The following TRIM37 variants were observed in gnomAD, a reference collection of about 807,000 sequenced individuals.
TRIM37 encodes E3 ubiquitin-protein ligase TRIM37.
A neutral mutation model predicts 129.8 loss-of-function variants in TRIM37; 80 were observed. The observed-to-expected ratio is 0.62, with a 90% CI of 0.51 to 0.74. The LOEUF (loss-of-function observed/expected upper bound fraction) is 0.74. TRIM37 is among the 30% of genes least tolerant of loss of function. The pLI is 0.00. For missense variants in TRIM37, 1,054 were observed against 1,176.5 expected, an observed-to-expected ratio of 0.90 and a Z score of 1.52; for synonymous variants, 389 against 387.1, an observed-to-expected ratio of 1.00 and a Z score of -0.06.
chr17:59,044,079 T>C (rs1353065951), intron 16 of TRIM37, among the ~76,000 whole-genome samples: 1 of 152,138 alleles, frequency 6.6e-6, no homozygotes, highest in Non-Finnish European at 1.5e-5. Flanking sequence ...AGGGACTTCT[T>C]GAGCCTAGGA....
intron 17 of TRIM37, among the ~76,000 whole-genome samples, chr17:59,038,967 G>C (rs1568051328): frequency 6.6e-6 from 1 of 152,140 alleles, no homozygotes; most frequent in Non-Finnish European, 1.5e-5. Context: ...CTGGACAAGA[G>C]ACTGATTTCA....
At chr17:59,079,248 C>T (rs939008289) in intron 7 of TRIM37, among the ~76,000 whole-genome samples, 2 of 152,078 alleles carry the variant, frequency 1.3e-5, no homozygotes, top group Non-Finnish European at 2.9e-5. Flanking sequence ...TACCAGGCTC[C>T]ACAATCAAAG....
At position 59,012,461 on chromosome 17, in the gene TRIM37, C is replaced by A; in HGVS notation, c.2577-15G>T. On this transcript the variant is annotated splice_polypyrimidine_tract_variant and intron_variant, in intron 21 of 23. Coordinates refer to ENST00000262294, the MANE Select transcript of TRIM37 (RefSeq NM_015294.6). ...TAGCATTAGCCCTCAAAGAAGAAAA[C>A]AACTTGATATTTCTCTATAACTAGT... 2.0e-6 allele frequency: 3 copies of A among 1,512,468 alleles called. No individual in the cohort carries two copies. The highest frequency in any genetic ancestry group is 1.7e-4 in the Middle Eastern group (1 of 5,840). 93.7% of individuals were successfully genotyped at this position (1,512,468 alleles called of 1,614,324 possible).
intron 13 of TRIM37, among the ~76,000 whole-genome samples, chr17:59,053,997 T>TA (rs2040597699): frequency 6.6e-6 from 1 of 152,186 alleles, no homozygotes; most frequent in Admixed American, 6.5e-5. Context: ...TATCCCTTGT[T>TA]AAACTTCTTT....
At chr17:58,990,017 C>G (rs1490837842) in intron 24 of TRIM37, among the ~76,000 whole-genome samples, 1 of 149,508 alleles carries the variant, frequency 6.7e-6, no homozygotes, top group Admixed American at 6.7e-5. Context: ...GAGACCCCCT[C>G]TGAAAAAAAA....
intron 17 of TRIM37, among the ~76,000 whole-genome samples, chr17:59,035,042 T>C (rs1363442352): frequency 2.0e-5 from 3 of 152,232 alleles, no homozygotes; most frequent in East Asian, 3.9e-4. Flanking sequence ...AAGTATCTTA[T>C]TCATTTTCTT....
chr17:59,102,248 A>G (rs2045582904), intron 2 of TRIM37, among the ~76,000 whole-genome samples: 1 of 152,186 alleles, frequency 6.6e-6, no homozygotes, highest in South Asian at 2.1e-4. Flanking sequence ...AGATCTTAGG[A>G]AATTAAGAAA....
intron 14 of TRIM37, among the ~76,000 whole-genome samples, chr17:59,049,853 T>C (rs1392938843): frequency 2.0e-5 from 3 of 152,246 alleles, no homozygotes; most frequent in South Asian, 2.1e-4. Flanking sequence ...TAAAAAAAAA[T>C]TGATGACAAA....
chr17:59,087,958 A>T (rs148652722), intron 4 of TRIM37: 248 of 473,584 alleles, frequency 5.2e-4, no homozygotes, highest in African/African-American at 4.2e-3. Context: ...TAAATGACTT[A>T]ACACTGTATT....
chr17:58,968,032 G>T, the TRIM37 span, among the ~76,000 whole-genome samples: 5 of 152,028 alleles, frequency 3.3e-5, no homozygotes. Flanking sequence ...TTGATCTCTT[G>T]ACCTTGTGAT....
the TRIM37 span, among the ~76,000 whole-genome samples, chr17:58,967,795 CTTTA>C: frequency 2.0e-5 from 3 of 147,334 alleles, no homozygotes; most frequent in African/African-American, 5.0e-5. Context: ...TGTCAGCATT[CTTTA>C]TTTCTTTTTT....
intron 16 of TRIM37, among the ~76,000 whole-genome samples, chr17:59,045,457 G>A (rs867187223): frequency 1.3e-5 from 2 of 151,820 alleles, no homozygotes; most frequent in Non-Finnish European, 2.9e-5. Flanking sequence ...GGCCAACGCA[G>A]TGAAACCTCG....
chr17:59,076,311 C>G (rs996440040), intron 7 of TRIM37, among the ~76,000 whole-genome samples: 2 of 152,198 alleles, frequency 1.3e-5, no homozygotes, highest in Non-Finnish European at 2.9e-5. Flanking sequence ...GAGGCCAAAG[C>G]AAGAGGATAA....
chr17:58,973,901 G>A, the TRIM37 span, among the ~76,000 whole-genome samples: 4 of 144,046 alleles, frequency 2.8e-5, no homozygotes, highest in East Asian at 2.0e-4. Flanking sequence ...GCAGTGAGTC[G>A]AGATCGCGCC....
intron 2 of TRIM37, among the ~76,000 whole-genome samples, chr17:59,101,695 T>TACACAC (rs927750157): frequency 1.1e-5 from 1 of 89,660 alleles, no homozygotes; most frequent in Admixed American, 1.3e-4. Context: ...TATATATATA[T>TACACAC]ACACACACAC....
At chr17:58,992,971 A>C (rs2032596332) in intron 24 of TRIM37, among the ~76,000 whole-genome samples, 1 of 152,184 alleles carries the variant, frequency 6.6e-6, no homozygotes, top group African/African-American at 2.4e-5. Flanking sequence ...GTCCCTAGGC[A>C]TATATGGTTT....
At position 59,056,747 on chromosome 17, in the gene TRIM37, A is replaced by AAAAAAAAAAAAAAGG; in HGVS notation, c.1199+127_1199+128insCCTTTTTTTTTTTTT. On this transcript the variant is annotated intron_variant, in intron 13 of 23. Coordinates refer to ENST00000262294, the MANE Select transcript of TRIM37 (RefSeq NM_015294.6). ...AAAAAAAAAAAAAAAAAAAAAAAAAAGGTGATAAGGTTATAGTTAGTATGA... is the reference window on the plus strand; with the variant it reads ...AAAAAAAAAAAAAAAAAAAAAAAAAAAAAAAAAAAAAAAGGGGTGATAAGGTTATAGTTAGTATGA... 4.7e-6 allele frequency: 2 copies of AAAAAAAAAAAAAAGG among 427,110 alleles called. 1 individual carries two copies. Among genetic ancestry groups the AAAAAAAAAAAAAAGG allele is most frequent in the Non-Finnish European group, 8.2e-6 (2 of 242,880 alleles). The allele number at this position is 427,110 out of a possible 1,614,324, so 26.5% of individuals were successfully genotyped here.
Position 58,998,978 on chromosome 17 carries a change from CACAACTAAGCTCTA to C in TRIM37, c.*385_*398del. ...CCAAATATAAAGATGATTATTTAAA[CACAACTAAGCTCTA>C]GCCAAAGACAGTAGAGCACCAATGC... is the stretch of plus-strand genomic sequence containing the variant. On this transcript the variant is annotated 3_prime_UTR_variant, in exon 24 of 24. Transcript: ENST00000262294. 1 of 1,039,086 alleles carries C rather than the reference CACAACTAAGCTCTA, an allele frequency of 9.6e-7. No individual in the cohort carries two copies. The highest frequency in any genetic ancestry group is 1.7e-5 in the African/African-American group (1 of 58,028). The allele number at this position is 1,039,086 out of a possible 1,614,324, so 64.4% of individuals were successfully genotyped here. A position where few individuals can be genotyped will look rare whatever the true frequency, so the allele number is the denominator to read the frequency against.
rs542830099 is a variant in TRIM37, at chr17:59,103,820, G to A, written c.123+473C>T. Among the ~76,000 whole-genome samples, 5 of 151,844 alleles carry A rather than the reference G, an allele frequency of 3.3e-5. No individual in the cohort carries two copies. The South Asian group carries it at 1.0e-3, about 32-fold the overall frequency. ...ATGCCACCATGCCCAGCTAATTTTT[G>A]TATTTTTAGTAGAGACAGGGTTTCA... On this transcript the variant is annotated intron_variant, in intron 2 of 23. Coordinates refer to ENST00000262294, the MANE Select transcript of TRIM37 (RefSeq NM_015294.6).
Sources: gnomAD v4.1 joint callset for allele counts (sites outside exome capture counted in the v4.1 genomes callset) on GRCh38, gnomAD v4.1.1 for gene constraint, MANE v1.5 for transcripts, NCBI Gene and HGNC (gene_info 2026-07-23, HGNC 2026-07-21) for gene names.